Variants in RGPD2 observed in about 807,000 individuals in gnomAD.
RGPD2 encodes the protein RANBP2 like and GRIP domain containing 2.
RGPD2 carries 2 observed loss-of-function variants against 36.0 expected under a neutral mutation model. The observed-to-expected ratio is 0.06, with a 90% CI of 0.02 to 0.17. The LOEUF is 0.17. RGPD2 is among the 10% of genes least tolerant of loss of function. The pLI is 1.00. For synonymous variants in RGPD2, 19 were observed against 163.8 expected, an observed-to-expected ratio of 0.12 and a Z score of 6.75; for missense variants, 40 against 464.3, an observed-to-expected ratio of 0.09 and a Z score of 8.40.
the RGPD2 span, among the ~76,000 whole-genome samples, chr2:87,919,293 A>C: frequency 2.0e-5 from 3 of 151,222 alleles, no homozygotes; most frequent in African/African-American, 7.3e-5. Context: ...TCTAAAATAG[A>C]GACATCAATA....
intron 6 of RGPD2, among the ~76,000 whole-genome samples, chr2:87,809,832 G>C (rs1219218497): frequency 6.9e-6 from 1 of 144,322 alleles, no homozygotes; most frequent in South Asian, 2.3e-4. Flanking sequence ...CCCTCTGAGG[G>C]CCAAGGGCTG....
chr2:87,825,528 A>C (rs1184114607), intron 1 of RGPD2, 130 bp downstream of exon 1: 15 of 337,262 alleles, frequency 4.4e-5, no homozygotes, highest in Admixed American at 7.5e-4. Flanking sequence ...CGCCCGGCCG[A>C]GGCCGAGGCC....
chr2:87,934,507 G>A, the RGPD2 span, among the ~76,000 whole-genome samples: 1 of 145,688 alleles, frequency 6.9e-6, no homozygotes. Context: ...GTTACATGGT[G>A]CACCATTTTA....
chr2:87,755,996 C>CA lies in RGPD2; in HGVS notation c.*1395dup, dbSNP rs1684712003. 2.9e-4 allele frequency: 1 copy of CA among 3,422 alleles called. No individual in the cohort carries two copies. The highest frequency in any genetic ancestry group is 2.2e-3 in the Admixed American group (1 of 452). 0.2% of individuals were successfully genotyped at this position (3,422 alleles called of 1,614,324 possible). The stretch of plus-strand genomic sequence containing the variant: ...ACATTTAATTTAGTTAAAAACCAAA[C>CA]AAAAAAGAGCTTTGTTTCTTTTCAC... On this transcript the variant is annotated 3_prime_UTR_variant, in exon 23 of 23. Transcript: ENST00000398146.
the RGPD2 span, among the ~76,000 whole-genome samples, chr2:87,936,987 G>A: frequency 6.8e-6 from 1 of 146,112 alleles, no homozygotes; most frequent in Non-Finnish European, 1.5e-5. Flanking sequence ...TAAGGGCCTG[G>A]ACTGTTGGAA....
At chr2:87,977,742 A>G in the RGPD2 span, among the ~76,000 whole-genome samples, 2 of 152,142 alleles carry the variant, frequency 1.3e-5, no homozygotes, top group Admixed American at 6.5e-5. Flanking sequence ...ATTAAATCAA[A>G]GCAATTGTAA....
the RGPD2 span, among the ~76,000 whole-genome samples, chr2:87,920,038 A>G: frequency 6.6e-6 from 1 of 151,870 alleles, no homozygotes; most frequent in Non-Finnish European, 1.5e-5. Flanking sequence ...TTCACAAAGA[A>G]ACAATGCCAT....
intron 21 of RGPD2, among the ~76,000 whole-genome samples, chr2:87,772,643 G>A (rs1236608763): frequency 1.8e-5 from 1 of 54,844 alleles, no homozygotes; most frequent in Non-Finnish European, 3.6e-5. Context: ...TGCTGCATAT[G>A]AACCAAGTGT....
At chr2:87,921,135 A>T in the RGPD2 span, among the ~76,000 whole-genome samples, 1 of 150,830 alleles carries the variant, frequency 6.6e-6, no homozygotes, top group Non-Finnish European at 1.5e-5. Flanking sequence ...ACTGATTTTG[A>T]ACTGATCAAC....
the RGPD2 span, among the ~76,000 whole-genome samples, chr2:87,969,958 A>G: frequency 6.6e-6 from 1 of 150,532 alleles, no homozygotes; most frequent in South Asian, 2.1e-4. Context: ...AATTATAAAA[A>G]CTTTAATGAA....
At chr2:87,969,674 TTTACTC>T in the RGPD2 span, among the ~76,000 whole-genome samples, 3 of 101,880 alleles carry the variant, frequency 2.9e-5, no homozygotes, top group Non-Finnish European at 5.7e-5. Flanking sequence ...AAAAAAAAAA[TTTACTC>T]TTAGTATCTG....
the RGPD2 span, among the ~76,000 whole-genome samples, chr2:87,961,421 C>T: frequency 6.6e-6 from 1 of 151,856 alleles, no homozygotes; most frequent in Non-Finnish European, 1.5e-5. Context: ...GTCTTGCCCG[C>T]CGGGCGCCGT....
rs558542876 is a variant in RGPD2, at chr2:87,805,566, T to TA, written c.975+1129dup. ...CCTTTCAAAAGTTATGCAAGCTCAT[T>TA]AAAAAAAAAAGTCCGGGAATGGTGG... On this transcript the variant is annotated intron_variant, in intron 7 of 22. Coordinates refer to ENST00000398146, the MANE Select transcript of RGPD2 (RefSeq NM_001078170.3). Among the ~76,000 whole-genome samples, 825 of 140,072 alleles carry TA rather than the reference T, an allele frequency of 5.9e-3. 13 individuals are homozygous for TA. Among genetic ancestry groups the TA allele is most frequent in the Admixed American group, 0.047 (640 of 13,510 alleles). 91.9% of individuals were successfully genotyped at this position (140,072 alleles called of 152,430 possible). A position where few individuals can be genotyped will look rare whatever the true frequency, so the allele number is the denominator to read the frequency against.
chr2:87,918,301 C>T, the RGPD2 span, among the ~76,000 whole-genome samples: 2 of 142,204 alleles, frequency 1.4e-5, no homozygotes. Flanking sequence ...AGGAACTGTA[C>T]TAAATGCTTT....
the RGPD2 span, among the ~76,000 whole-genome samples, chr2:87,974,445 T>C: frequency 9.2e-5 from 14 of 151,592 alleles, no homozygotes; most frequent in African/African-American, 3.2e-4. Flanking sequence ...ATGTACATCC[T>C]GTGACCTATT....
At chr2:87,913,728 T>C in the RGPD2 span, among the ~76,000 whole-genome samples, 5 of 151,986 alleles carry the variant, frequency 3.3e-5, no homozygotes, top group African/African-American at 9.7e-5. Context: ...TTTTGATATT[T>C]TAGCTTAGAC....
At chr2:87,927,561 A>AT in the RGPD2 span, among the ~76,000 whole-genome samples, 3 of 150,966 alleles carry the variant, frequency 2.0e-5, no homozygotes, top group African/African-American at 7.3e-5. Flanking sequence ...GTGTCCTTAC[A>AT]TTTTTTTTAT....
chr2:87,863,959 G>A, the RGPD2 span, among the ~76,000 whole-genome samples: 2 of 151,706 alleles, frequency 1.3e-5, no homozygotes, highest in Non-Finnish European at 2.9e-5. Flanking sequence ...CATGTCAGGA[G>A]GAATTATGAC....
chr2:87,961,916 C>T, the RGPD2 span, among the ~76,000 whole-genome samples: 1 of 143,462 alleles, frequency 7.0e-6, no homozygotes, highest in Non-Finnish European at 1.5e-5. Context: ...AAGCCGGTAG[C>T]CCCAGCACTT....
Sources: allele counts gnomAD v4.1 joint callset (sites outside exome capture counted in the v4.1 genomes callset), GRCh38; gene constraint gnomAD v4.1.1; transcripts MANE v1.5; gene names NCBI Gene and HGNC (gene_info 2026-07-23, HGNC 2026-07-21).